Variants in TRPM6 observed in about 807,000 individuals in gnomAD.
TRPM6 encodes channel kinase 2.
TRPM6 carries 111 observed loss-of-function variants against 247.6 expected under a neutral mutation model. That is an observed-to-expected ratio of 0.45 (90% CI 0.38 to 0.52). The LOEUF (loss-of-function observed/expected upper bound fraction) is 0.52, where lower values mean the gene tolerates loss of function less well. Ranked by LOEUF, TRPM6 falls within the 20% of genes least tolerant of loss-of-function variation. The pLI is 0.00. For synonymous variants in TRPM6, 892 were observed against 853.8 expected (o/e 1.04, Z -0.78); for missense variants, 2,126 against 2,421.5 (o/e 0.88, Z 2.56).
At chr9:74,791,973 G>T (rs1466116579) in intron 19 of TRPM6, among the ~76,000 whole-genome samples, 1 of 152,090 alleles carries the variant, frequency 6.6e-6, no homozygotes, top group East Asian at 1.9e-4. Context: ...TACCCAGGAT[G>T]GTCTCAATCT....
chr9:74,789,981 A>G (rs1047780579), intron 19 of TRPM6, among the ~76,000 whole-genome samples: 73 of 147,000 alleles, frequency 5.0e-4, no homozygotes, highest in African/African-American at 1.8e-3. Flanking sequence ...AAAAAAAAAA[A>G]AAAAGAAAAT....
chr9:74,778,093 G>C (rs557539476), intron 23 of TRPM6, among the ~76,000 whole-genome samples: 2 of 152,364 alleles, frequency 1.3e-5, no homozygotes, highest in Middle Eastern at 3.4e-3. Flanking sequence ...AGCTGTCCCA[G>C]TGGAAACTGA....
intron 1 of TRPM6, among the ~76,000 whole-genome samples, chr9:74,860,561 G>A (rs1487894213): frequency 1.3e-5 from 2 of 152,050 alleles, no homozygotes; most frequent in African/African-American, 2.4e-5. Flanking sequence ...GTTTCACCAC[G>A]TTGGTCAGAC....
At chr9:74,857,231 A>C (rs1420023785) in intron 2 of TRPM6, among the ~76,000 whole-genome samples, 1 of 152,182 alleles carries the variant, frequency 6.6e-6, no homozygotes, top group East Asian at 1.9e-4. Flanking sequence ...AAGACTTACA[A>C]ATCATAGGTA....
chr9:74,880,758 A>G (rs1398746972), intron 1 of TRPM6, among the ~76,000 whole-genome samples: 2 of 152,200 alleles, frequency 1.3e-5, no homozygotes, highest in Non-Finnish European at 2.9e-5. Flanking sequence ...TATAAAACCC[A>G]CTAATAGGAC....
chr9:74,843,105 G>A (rs538537028), intron 3 of TRPM6, among the ~76,000 whole-genome samples: 7 of 152,190 alleles, frequency 4.6e-5, no homozygotes, highest in South Asian at 4.2e-4. Context: ...CTTTGTTGTC[G>A]TTTCTACAAT....
Position 74,887,871 on chromosome 9 carries a change from C to T in TRPM6, c.-15G>A. The T allele has an allele frequency of 6.2e-7, 1 of 1,614,064 alleles. No homozygotes were observed. The highest frequency in any genetic ancestry group is 8.5e-7 in the Non-Finnish European group (1 of 1,180,040). ...TGTTCTTTCATCTTTGATTTGCAGGCCCTGCTCCCAAAGCCCTGTCTGAGC... is the reference window on the plus strand; with the variant it reads ...TGTTCTTTCATCTTTGATTTGCAGGTCCTGCTCCCAAAGCCCTGTCTGAGC... On this transcript the variant is annotated 5_prime_UTR_variant, in exon 1 of 39. Coordinates refer to ENST00000360774, the MANE Select transcript of TRPM6 (RefSeq NM_017662.5).
intron 28 of TRPM6, 71 bp downstream of exon 28, chr9:74,755,282 T>C (rs1333970346): frequency 3.3e-6 from 5 of 1,523,570 alleles, no homozygotes; most frequent in East Asian, 2.3e-5. Flanking sequence ...GAACCGCCAA[T>C]GGTCTAAAGA....
chr9:74,876,242 C>T lies in TRPM6; in HGVS notation c.33+11582G>A, dbSNP rs150665192. ...GGAATTACAGGCATGCGCCACCATG[C>T]CTGGTCAAATTTCATATTTTTAGTA... On this transcript the variant is annotated intron_variant, in intron 1 of 38. Transcript: ENST00000360774. Among the ~76,000 whole-genome samples the T allele has an allele frequency of 1.4e-3, 209 of 152,260 alleles. 1 individual carries two copies. Among genetic ancestry groups the T allele is most frequent in the African/African-American group, 4.8e-3 (198 of 41,548 alleles).
intron 3 of TRPM6, among the ~76,000 whole-genome samples, chr9:74,846,579 C>T (rs192207314): frequency 6.6e-6 from 1 of 152,146 alleles, no homozygotes; most frequent in East Asian, 1.9e-4. Flanking sequence ...GTCTCTCTCT[C>T]TGTTGCCCAG....
chr9:74,870,910 G>A (rs1332145523), intron 1 of TRPM6, among the ~76,000 whole-genome samples: 1 of 151,820 alleles, frequency 6.6e-6, no homozygotes, highest in Non-Finnish European at 1.5e-5. Flanking sequence ...TCCAGCCTAG[G>A]TGACAGAGAG....
intron 32 of TRPM6, 23 bp downstream of exon 32, chr9:74,744,072 G>C (rs748124522): frequency 2.6e-5 from 42 of 1,611,392 alleles, no homozygotes; most frequent in South Asian, 1.1e-5. Flanking sequence ...CAGCTGACAT[G>C]TCTATGTGCA....
intron 7 of TRPM6, among the ~76,000 whole-genome samples, chr9:74,826,210 G>A (rs552369986): frequency 1.6e-4 from 25 of 152,298 alleles, no homozygotes; most frequent in African/African-American, 4.1e-4. Context: ...AACGTTAGAC[G>A]TAGATAGTTC....
At chr9:74,799,264 TA>T (rs1219988469) in intron 17 of TRPM6, among the ~76,000 whole-genome samples, 2 of 152,148 alleles carry the variant, frequency 1.3e-5, no homozygotes, top group Non-Finnish European at 2.9e-5. Context: ...AATTAAAATA[TA>T]AAATACAGAC....
chr9:74,789,192 T>G (rs1263156917), intron 19 of TRPM6, among the ~76,000 whole-genome samples: 2 of 152,212 alleles, frequency 1.3e-5, no homozygotes, highest in East Asian at 3.8e-4. Flanking sequence ...TTACCACTGC[T>G]GGGAGTTCTA....
At chr9:74,847,578 A>G (rs1191708464) in intron 3 of TRPM6, among the ~76,000 whole-genome samples, 2 of 151,986 alleles carry the variant, frequency 1.3e-5, no homozygotes, top group Non-Finnish European at 1.5e-5. Context: ...ACAACCCCCC[A>G]CTGCTAAATT....
rs781733505 is a variant in TRPM6, at chr9:74,792,633, C to G, written c.2529G>C (p.Trp843Cys). 1 of 1,614,050 alleles carries G rather than the reference C, an allele frequency of 6.2e-7. No individual in the cohort carries two copies. Among genetic ancestry groups the G allele is most frequent in the African/African-American group, 1.3e-5 (1 of 75,016 alleles). ...EFYSAPIVKF[W>C]FYTMAYLAFL... ...TTGCAATGAGACCAACCGTATAAAA[C>G]CAAAACTTGACAATTGGAGCACTGT... The change falls in exon 19 of 39, where the codon TGG becomes TGC. Residue 843 changes from tryptophan (W) to cysteine (C), a missense_variant. Trp to Cys is a radical substitution (Grantham distance 215). Transcript: ENST00000360774.
At position 74,817,044 on chromosome 9, in the gene TRPM6, G is replaced by C. The variant is rs960192068; in HGVS notation, c.1135-80C>G. On this transcript the variant is annotated intron_variant, in intron 9 of 38. Transcript: ENST00000360774. ...TTTCAAAGAGTACCCACAGAATTCA[G>C]ACTGGAGCTAATGAATTGAGGAAAA... 2.3e-5 allele frequency: 28 copies of C among 1,216,828 alleles called. No individual in the cohort carries two copies. The African/African-American group carries it at 3.1e-4, about 14-fold the overall frequency. 75.4% of individuals were successfully genotyped at this position (1,216,828 alleles called of 1,614,324 possible). A position where few individuals can be genotyped will look rare whatever the true frequency, so the allele number is the denominator to read the frequency against.
At position 74,873,200 on chromosome 9, in the gene TRPM6, C is replaced by A. The variant is rs1283510071; in HGVS notation, c.34-14452G>T. Among the ~76,000 whole-genome samples the A allele has an allele frequency of 2.0e-5, 3 of 152,152 alleles. No homozygotes were observed. In the East Asian group the frequency reaches 5.8e-4, roughly 29 times the overall value. On this transcript the variant is annotated intron_variant, in intron 1 of 38. Coordinates refer to ENST00000360774, the MANE Select transcript of TRPM6 (RefSeq NM_017662.5). ...CTCCACCTAGAATACTCTCCACTCCCTTCCTTTCTCCGCCAACTTAGACAT... is the reference window on the plus strand; with the variant it reads ...CTCCACCTAGAATACTCTCCACTCCATTCCTTTCTCCGCCAACTTAGACAT...
Sources: gnomAD v4.1 joint callset for allele counts (sites outside exome capture counted in the v4.1 genomes callset) on GRCh38, gnomAD v4.1.1 for gene constraint, MANE v1.5 for transcripts, NCBI Gene and HGNC (gene_info 2026-07-23, HGNC 2026-07-21) for gene names.